CCSER1: variants seen among roughly 807,000 people sequenced by gnomAD.
The protein encoded by CCSER1 is coiled-coil serine rich protein 1.
A neutral mutation model predicts 82.0 loss-of-function variants in CCSER1; 41 were observed. The observed-to-expected ratio is 0.50, with a 90% confidence interval of 0.39 to 0.65. The LOEUF (loss-of-function observed/expected upper bound fraction) is 0.65. Among genes scored for constraint, CCSER1 ranks in the 30% least tolerant of loss-of-function variants. The pLI, the probability that CCSER1 is intolerant of heterozygous loss-of-function variation, is 0.00. For missense variants in CCSER1, 1,119 were observed against 1,064.2 expected (o/e 1.05, Z -0.72); for synonymous variants, 414 against 383.9 (o/e 1.08, Z -0.92).
At chr4:90,942,894 TTAAA>T (rs1489373590) in intron 9 of CCSER1, among the ~76,000 whole-genome samples, 1 of 147,654 alleles carries the variant, frequency 6.8e-6, no homozygotes, top group Non-Finnish European at 1.5e-5. Context: ...ATATATAGAA[TTAAA>T]TATATATTAT....
chr4:90,560,401 A>G (rs1375905418), intron 5 of CCSER1, among the ~76,000 whole-genome samples: 2 of 152,120 alleles, frequency 1.3e-5, no homozygotes, highest in Admixed American at 1.3e-4. Context: ...TGTCCTGTCA[A>G]TACTCAGTCT....
chr4:91,562,175 A>C (rs944098438), intron 10 of CCSER1, among the ~76,000 whole-genome samples: 7 of 151,512 alleles, frequency 4.6e-5, no homozygotes, highest in Non-Finnish European at 1.0e-4. Flanking sequence ...TGAAATTCAA[A>C]ATATCTTGCT....
intron 9 of CCSER1, among the ~76,000 whole-genome samples, chr4:91,041,207 T>C (rs939500471): frequency 1.3e-5 from 2 of 152,162 alleles, no homozygotes; most frequent in African/African-American, 4.8e-5. Flanking sequence ...CCATCAGTCA[T>C]GACATAAGTC....
intron 10 of CCSER1, among the ~76,000 whole-genome samples, chr4:91,099,160 A>C (rs1017477134): frequency 2.0e-5 from 3 of 152,168 alleles, no homozygotes; most frequent in South Asian, 2.1e-4. Context: ...AGAATACACT[A>C]TCTTGAATTT....
intron 9 of CCSER1, among the ~76,000 whole-genome samples, chr4:91,034,349 A>T (rs1193787873): frequency 2.0e-5 from 3 of 150,838 alleles, no homozygotes; most frequent in Non-Finnish European, 4.4e-5. Flanking sequence ...ACTTTTGTTC[A>T]TGTAATTTGT....
chr4:91,585,348 C>T (rs1763937027), intron 10 of CCSER1, among the ~76,000 whole-genome samples: 1 of 151,308 alleles, frequency 6.6e-6, no homozygotes, highest in Admixed American at 6.6e-5. Flanking sequence ...TCACTCAATC[C>T]CTTCCTTTTT....
chr4:90,334,871 C>T (rs916435443), intron 3 of CCSER1, among the ~76,000 whole-genome samples: 1 of 152,148 alleles, frequency 6.6e-6, no homozygotes, highest in Non-Finnish European at 1.5e-5. Context: ...TGAAGTCACA[C>T]AGCCCAATTT....
chr4:91,350,435 A>G (rs74777302), intron 10 of CCSER1, among the ~76,000 whole-genome samples: 3,000 of 152,260 alleles, frequency 0.02, 87 homozygotes, highest in African/African-American at 0.066. Flanking sequence ...GAAGACTAAC[A>G]TATCAAAGTT....
intron 5 of CCSER1, among the ~76,000 whole-genome samples, chr4:90,537,828 C>T (rs1775602981): frequency 6.6e-6 from 1 of 152,050 alleles, no homozygotes; most frequent in African/African-American, 2.4e-5. Context: ...ATTGTTAACC[C>T]TCCAGTTTTA....
chr4:90,321,909 G>A (rs1418334225), intron 3 of CCSER1, among the ~76,000 whole-genome samples: 2 of 151,914 alleles, frequency 1.3e-5, no homozygotes, highest in East Asian at 1.9e-4. Context: ...TGTCAGATGG[G>A]TATTTTCTCC....
intron 8 of CCSER1, among the ~76,000 whole-genome samples, chr4:90,893,158 T>A (rs774752120): frequency 1.1e-4 from 16 of 151,968 alleles, no homozygotes; most frequent in Non-Finnish European, 1.6e-4. Flanking sequence ...GGTGTATATA[T>A]GTGGGAGTTA....
At chr4:90,902,550 T>G (rs2150154868) in intron 8 of CCSER1, among the ~76,000 whole-genome samples, 1 of 152,198 alleles carries the variant, frequency 6.6e-6, no homozygotes, top group South Asian at 2.1e-4. Flanking sequence ...CTGGGTGCTT[T>G]GAGGGGCCCA....
chr4:91,120,017 T>G (rs1258496759), intron 10 of CCSER1, among the ~76,000 whole-genome samples: 1 of 151,964 alleles, frequency 6.6e-6, no homozygotes, highest in East Asian at 1.9e-4. Context: ...ACATGTACAA[T>G]TGAGTTATAT....
intron 10 of CCSER1, among the ~76,000 whole-genome samples, chr4:91,263,813 TCTC>T (rs1417342326): frequency 4.0e-5 from 6 of 151,870 alleles, no homozygotes; most frequent in African/African-American, 1.4e-4. Flanking sequence ...CTGGAAAAAT[TCTC>T]CTACTTCAAT....
At chr4:90,571,955 A>G (rs1382940225) in intron 5 of CCSER1, among the ~76,000 whole-genome samples, 2 of 152,132 alleles carry the variant, frequency 1.3e-5, no homozygotes, top group African/African-American at 2.4e-5. Flanking sequence ...GAATTTGTGT[A>G]CTTACTTGTA....
intron 7 of CCSER1, among the ~76,000 whole-genome samples, chr4:90,797,789 G>A (rs763420223): frequency 6.6e-6 from 1 of 152,180 alleles, no homozygotes; most frequent in Admixed American, 6.5e-5. Context: ...TAAGAATATT[G>A]AATATAGGCC....
At chr4:90,426,485 G>A (rs573333035) in intron 4 of CCSER1, among the ~76,000 whole-genome samples, 50 of 152,038 alleles carry the variant, frequency 3.3e-4, no homozygotes, top group Non-Finnish European at 6.3e-4. Context: ...TGGGGGAGTG[G>A]TGACATATTT....
At chr4:91,555,710 C>T (rs2110237062) in intron 10 of CCSER1, among the ~76,000 whole-genome samples, 1 of 151,080 alleles carries the variant, frequency 6.6e-6, no homozygotes, top group South Asian at 2.1e-4. Flanking sequence ...TCATAATGTA[C>T]CTGTGTTATC....
At chr4:91,062,976 A>T (rs193186301) in intron 9 of CCSER1, among the ~76,000 whole-genome samples, 57 of 152,264 alleles carry the variant, frequency 3.7e-4, no homozygotes, top group Non-Finnish European at 7.6e-4. Context: ...GATTTATTTG[A>T]GCACAGTTTA....
Sources: allele counts gnomAD v4.1 joint callset (sites outside exome capture counted in the v4.1 genomes callset), GRCh38; gene constraint gnomAD v4.1.1; transcripts MANE v1.5; gene names NCBI Gene and HGNC (gene_info 2026-07-23, HGNC 2026-07-21).